The following DLGAP2 variants were observed in gnomAD, a reference collection of about 807,000 sequenced individuals.
DLGAP2 encodes DLG associated protein 2.
In DLGAP2, 26 loss-of-function variants were observed where a neutral mutation model predicts 100.3. The observed-to-expected ratio is 0.26, with a 90% CI of 0.19 to 0.36. The LOEUF is 0.36. Ranked by LOEUF, DLGAP2 falls within the 10% of genes least tolerant of loss-of-function variation. The pLI is 1.00. For synonymous variants in DLGAP2, 886 were observed against 630.1 expected (o/e 1.41, Z -6.08); for missense variants, 1,858 against 1,453.2 (o/e 1.28, Z -4.53).
intron 2 of DLGAP2, among the ~76,000 whole-genome samples, chr8:1,176,493 A>G (rs1483873382): frequency 6.6e-6 from 1 of 152,244 alleles, no homozygotes; most frequent in Admixed American, 6.5e-5. Flanking sequence ...CATTACAGCC[A>G]GAAGGAACTA....
chr8:1,328,224 T>A (rs1801067575), intron 3 of DLGAP2, among the ~76,000 whole-genome samples: 1 of 152,044 alleles, frequency 6.6e-6, no homozygotes, highest in Non-Finnish European at 1.5e-5. Flanking sequence ...ATTTTTTTAG[T>A]TGAGACAGGA....
intron 2 of DLGAP2, among the ~76,000 whole-genome samples, chr8:1,076,036 A>G (rs1305890410): frequency 6.6e-6 from 1 of 152,184 alleles, no homozygotes; most frequent in Non-Finnish European, 1.5e-5. Flanking sequence ...TGTGTCTCTC[A>G]AAGAGAAAGA....
At chr8:1,203,561 T>C (rs74910450) in intron 2 of DLGAP2, among the ~76,000 whole-genome samples, 1 of 152,228 alleles carries the variant, frequency 6.6e-6, no homozygotes, top group African/African-American at 2.4e-5. Context: ...TTCTCTTTTA[T>C]CTAGCAGATT....
At chr8:976,812 T>C (rs1800176380) in intron 2 of DLGAP2, among the ~76,000 whole-genome samples, 1 of 152,170 alleles carries the variant, frequency 6.6e-6, no homozygotes, top group African/African-American at 2.4e-5. Context: ...TAGACCTATA[T>C]ATAAAATGCA....
At chr8:1,070,799 G>A (rs191448572) in intron 2 of DLGAP2, among the ~76,000 whole-genome samples, 8 of 152,284 alleles carry the variant, frequency 5.3e-5, no homozygotes, top group East Asian at 3.9e-4. Flanking sequence ...TGGCTTTTCC[G>A]TGTAGAGAGG....
intron 11 of DLGAP2, 89 bp from the exon 12 acceptor site, chr8:1,678,125 G>A (rs1251127787): frequency 1.4e-6 from 2 of 1,463,048 alleles, no homozygotes; most frequent in African/African-American, 2.8e-5. Context: ...TTGAGCTCAG[G>A]TGCGCTCCTG....
chr8:1,057,309 T>C (rs1264400809), intron 2 of DLGAP2, among the ~76,000 whole-genome samples: 1 of 152,244 alleles, frequency 6.6e-6, no homozygotes, highest in African/African-American at 2.4e-5. Context: ...CCATCTGTAT[T>C]AACAGGTTAT....
At chr8:922,095 T>C (rs1186160579) in intron 2 of DLGAP2, among the ~76,000 whole-genome samples, 3 of 152,210 alleles carry the variant, frequency 2.0e-5, no homozygotes, top group Non-Finnish European at 2.9e-5. Context: ...GAGAAACGGC[T>C]CCTTGTTTCT....
At chr8:1,032,456 C>G (rs1001086720) in intron 2 of DLGAP2, 6 of 152,246 alleles carry the variant, frequency 3.9e-5, no homozygotes, top group African/African-American at 1.4e-4. Flanking sequence ...AGAATAATTC[C>G]AAGCCAGCCT....
rs1445397965 is a variant in DLGAP2, at chr8:1,632,855, T to TCGAGTCCGTGTG, written c.1629_1640dup (p.Cys544_Val547dup). 1.7e-5 allele frequency: 27 copies of TCGAGTCCGTGTG among 1,613,080 alleles called. No individual in the cohort carries two copies. Among genetic ancestry groups the TCGAGTCCGTGTG allele is most frequent in the Non-Finnish European group, 2.2e-5 (26 of 1,179,392 alleles). The stretch of plus-strand genomic sequence containing the variant: ...AGCGAGGCGGAGATCAATGGGCAAT[T>TCGAGTCCGTGTG]CGAGTCCGTGTGCGAGTCCGTCTTC... On this transcript the variant is annotated inframe_insertion, in exon 8 of 15. Coordinates refer to ENST00000637795, the MANE Select transcript of DLGAP2 (RefSeq NM_001346810.2).
chr8:807,003 C>A (rs568889590), intron 1 of DLGAP2, among the ~76,000 whole-genome samples: 1 of 152,194 alleles, frequency 6.6e-6, no homozygotes, highest in Non-Finnish European at 1.5e-5. Context: ...CGTGCTTTCA[C>A]CCTGAATCTC....
In DLGAP2 at chr8:744,537, C is replaced by A. The variant is rs113110919; in HGVS notation, c.18+6712C>A. Among the ~76,000 whole-genome samples the A allele has an allele frequency of 4.2e-3, 644 of 151,554 alleles. 7 individuals carry two copies. Among genetic ancestry groups the A allele is most frequent in the African/African-American group, 0.015 (618 of 40,932 alleles). On this transcript the variant is annotated intron_variant, in intron 1 of 14. Transcript: ENST00000637795. ...TGGCCGTCTGCTCCCCACGGTCACT[C>A]CCTGCCTCTTCTCCGGCCACGTCGC...
intron 8 of DLGAP2, among the ~76,000 whole-genome samples, chr8:1,660,942 A>G (rs1188340805): frequency 1.3e-5 from 2 of 152,178 alleles, no homozygotes; most frequent in Admixed American, 1.3e-4. Flanking sequence ...CGTAGCTAAT[A>G]CCGCAACTTT....
rs926040622 is a variant in DLGAP2, at chr8:1,042,485, G to A, written c.73+134519G>A. On this transcript the variant is annotated intron_variant, in intron 2 of 14. Coordinates refer to ENST00000637795, the MANE Select transcript of DLGAP2 (RefSeq NM_001346810.2). ...CAAAGGAAGCCGTAGGCCTGCAGTC[G>A]TGTTCTGCCTGAGATGTGTGTGGAA... is the stretch of plus-strand genomic sequence containing the variant. Among the ~76,000 whole-genome samples the A allele has an allele frequency of 7.2e-5, 11 of 152,330 alleles. No individual in the cohort carries two copies. In the South Asian group the frequency reaches 1.7e-3, roughly 23 times the overall value.
At chr8:1,477,199 C>G (rs1421352399) in intron 3 of DLGAP2, among the ~76,000 whole-genome samples, 1 of 151,762 alleles carries the variant, frequency 6.6e-6, no homozygotes, top group Non-Finnish European at 1.5e-5. Context: ...TGGATGCGCA[C>G]CTGTCCAGGA....
intron 2 of DLGAP2, among the ~76,000 whole-genome samples, chr8:1,170,345 T>C: frequency 6.6e-6 from 1 of 152,066 alleles, no homozygotes; most frequent in Non-Finnish European, 1.5e-5. Context: ...TAAAATTCTC[T>C]TTTTTGGTTG....
chr8:1,447,666 A>G (rs1798019133), intron 3 of DLGAP2, among the ~76,000 whole-genome samples: 1 of 152,246 alleles, frequency 6.6e-6, no homozygotes, highest in Admixed American at 6.5e-5. Flanking sequence ...GAATGTTACC[A>G]GCTTCTCCTT....
At chr8:1,278,639 G>A (rs781003800) in intron 3 of DLGAP2, among the ~76,000 whole-genome samples, 2 of 152,178 alleles carry the variant, frequency 1.3e-5, no homozygotes, top group African/African-American at 2.4e-5. Flanking sequence ...AGATCCCTGT[G>A]TAGCTGGTGC....
At chr8:1,573,510 G>T (rs555508908) in intron 6 of DLGAP2, among the ~76,000 whole-genome samples, 12 of 152,198 alleles carry the variant, frequency 7.9e-5, no homozygotes, top group African/African-American at 2.9e-4. Flanking sequence ...AAGTCCTTTA[G>T]ACCCCTGACT....
Sources: allele counts gnomAD v4.1 joint callset (sites outside exome capture counted in the v4.1 genomes callset), GRCh38; gene constraint gnomAD v4.1.1; transcripts MANE v1.5; gene names NCBI Gene and HGNC (gene_info 2026-07-23, HGNC 2026-07-21).